KCNH8: variants seen among roughly 807,000 people sequenced by gnomAD.
KCNH8 encodes voltage-gated delayed rectifier potassium channel KCNH8.
Under a neutral mutation model 103.6 loss-of-function variants are expected in KCNH8, and 70 were observed. The observed-to-expected ratio is 0.68, with a 90% CI of 0.56 to 0.82. The LOEUF is 0.82. Among genes scored for constraint, KCNH8 ranks in the 40% least tolerant of loss-of-function variants. KCNH8 has a pLI of 0.00. For synonymous variants in KCNH8, 498 were observed against 489.4 expected (o/e 1.02, Z -0.23); for missense variants, 1,217 against 1,329.9 (o/e 0.92, Z 1.32).
intron 10 of KCNH8, among the ~76,000 whole-genome samples, chr3:19,451,849 T>C (rs1281712211): frequency 6.6e-6 from 1 of 152,156 alleles, no homozygotes; most frequent in Non-Finnish European, 1.5e-5. Context: ...AAGGTGACTA[T>C]GTTTCAAGAA....
At chr3:19,223,720 T>G (rs141630797) in intron 1 of KCNH8, among the ~76,000 whole-genome samples, 2 of 152,292 alleles carry the variant, frequency 1.3e-5, no homozygotes, top group Admixed American at 1.3e-4. Context: ...TATTCTTATT[T>G]TACCATTTGA....
intron 11 of KCNH8, among the ~76,000 whole-genome samples, chr3:19,503,492 A>T (rs780712625): frequency 6.6e-6 from 1 of 152,204 alleles, no homozygotes; most frequent in Non-Finnish European, 1.5e-5. Context: ...TGTTTATTGC[A>T]GCATTATCCA....
At chr3:19,177,438 A>T (rs537674444) in intron 1 of KCNH8, among the ~76,000 whole-genome samples, 5 of 152,172 alleles carry the variant, frequency 3.3e-5, no homozygotes, top group African/African-American at 1.2e-4. Flanking sequence ...TACAATAGGA[A>T]TTATTTTCTA....
chr3:19,198,131 G>A (rs1245842511), intron 1 of KCNH8, among the ~76,000 whole-genome samples: 1 of 152,004 alleles, frequency 6.6e-6, no homozygotes, highest in African/African-American at 2.4e-5. Context: ...CTGACATAGA[G>A]ATAAAACCTA....
In KCNH8 at chr3:19,489,073, A is replaced by G. The variant is rs2068267797; in HGVS notation, c.2041-21290A>G. ...GTAATATTGCTGTTCTCTCAGGGGC[A>G]TTTGGATTCCAGTCTTAGGCCGTAA... On this transcript the variant is annotated intron_variant, in intron 11 of 15. Transcript: ENST00000328405. Among the ~76,000 whole-genome samples the G allele has an allele frequency of 2.0e-5, 3 of 152,072 alleles. No homozygotes were observed. The South Asian group carries it at 6.2e-4, about 31-fold the overall frequency.
At chr3:19,246,805 G>T (rs1215151946) in intron 1 of KCNH8, among the ~76,000 whole-genome samples, 1 of 152,066 alleles carries the variant, frequency 6.6e-6, no homozygotes, top group Non-Finnish European at 1.5e-5. Flanking sequence ...GTTTCACTGG[G>T]TCTGGAGTGA....
At chr3:19,283,290 G>A (rs1219684764) in intron 3 of KCNH8, among the ~76,000 whole-genome samples, 3 of 152,012 alleles carry the variant, frequency 2.0e-5, no homozygotes, top group Admixed American at 2.0e-4. Context: ...TTAAAATGGT[G>A]TTAACATTTG....
intron 3 of KCNH8, among the ~76,000 whole-genome samples, chr3:19,332,675 C>G (rs2065527670): frequency 6.6e-6 from 1 of 151,864 alleles, no homozygotes. Context: ...CCCTCTGTCC[C>G]CTAGGCTGAG....
At chr3:19,244,420 T>G (rs2064178990) in intron 1 of KCNH8, among the ~76,000 whole-genome samples, 1 of 152,168 alleles carries the variant, frequency 6.6e-6, no homozygotes, top group African/African-American at 2.4e-5. Flanking sequence ...GCACGTGTTT[T>G]TGTTTTTGTT....
At chr3:19,186,366 C>G (rs1259052844) in intron 1 of KCNH8, among the ~76,000 whole-genome samples, 1 of 151,754 alleles carries the variant, frequency 6.6e-6, no homozygotes, top group Non-Finnish European at 1.5e-5. Flanking sequence ...CTTGCACATG[C>G]CTTTTGTTTC....
At chr3:19,516,926 T>C (rs1380804117) in intron 14 of KCNH8, among the ~76,000 whole-genome samples, 3 of 152,052 alleles carry the variant, frequency 2.0e-5, no homozygotes, top group African/African-American at 7.2e-5. Context: ...AATGGCTTTC[T>C]ATTGCCCTTA....
chr3:19,472,519 C>T (rs1044718788), intron 11 of KCNH8, among the ~76,000 whole-genome samples: 1 of 152,104 alleles, frequency 6.6e-6, no homozygotes, highest in Non-Finnish European at 1.5e-5. Flanking sequence ...TTTTTACCTG[C>T]TGCCATCCAT....
At chr3:19,204,165 G>T (rs757699718) in intron 1 of KCNH8, among the ~76,000 whole-genome samples, 8 of 151,944 alleles carry the variant, frequency 5.3e-5, no homozygotes, top group Non-Finnish European at 1.0e-4. Flanking sequence ...GCTCATAATG[G>T]CTAGGACCAG....
intron 11 of KCNH8, among the ~76,000 whole-genome samples, chr3:19,499,101 T>C (rs1575144528): frequency 6.6e-6 from 1 of 152,040 alleles, no homozygotes. Context: ...TTAAAGGAGC[T>C]GATGGAGCTG....
chr3:19,411,317 C>T lies in KCNH8; in HGVS notation c.1177+16006C>T, dbSNP rs369201296. On this transcript the variant is annotated intron_variant, in intron 7 of 15. Transcript: ENST00000328405. ...AAAGATTTTGATAAAGTCAAACATC[C>T]TTTTGTTACAAAAACTCTGAAGAAA... 1.2e-3 allele frequency among the ~76,000 whole-genome samples: 175 copies of T among 152,100 alleles called. 3 individuals carry two copies. In the South Asian group the frequency reaches 0.032, roughly 28 times the overall value.
chr3:19,387,206 T>A (rs1267708523), intron 5 of KCNH8, among the ~76,000 whole-genome samples: 1 of 152,132 alleles, frequency 6.6e-6, no homozygotes, highest in Non-Finnish European at 1.5e-5. Flanking sequence ...AATTTAATAT[T>A]ATTTTACCTG....
rs773828081 is a variant in KCNH8, at chr3:19,153,635, C to CTT, written c.76+4856_76+4857dup. On this transcript the variant is annotated intron_variant, in intron 1 of 15. Coordinates refer to ENST00000328405, the MANE Select transcript of KCNH8 (RefSeq NM_144633.3). ...TTTTCTTTTCTTTTCTTTCTTTTTT[C>CTT]TTTTTTTTTTTTTTTTTAGACGAGT... Among the ~76,000 whole-genome samples the CTT allele has an allele frequency of 1.2e-3, 153 of 128,884 alleles. No individual in the cohort carries two copies. In the South Asian group the frequency reaches 0.013, roughly 11 times the overall value. 84.6% of individuals were successfully genotyped at this position (128,884 alleles called of 152,430 possible). A position where few individuals can be genotyped will look rare whatever the true frequency, so the allele number is the denominator to read the frequency against.
intron 5 of KCNH8, among the ~76,000 whole-genome samples, chr3:19,369,956 A>C (rs1045802786): frequency 2.0e-5 from 3 of 152,014 alleles, no homozygotes; most frequent in African/African-American, 7.2e-5. Context: ...TTACTATGCT[A>C]TAAATAGGTT....
At chr3:19,525,977 AT>A (rs1225796135) in intron 15 of KCNH8, among the ~76,000 whole-genome samples, 2 of 152,014 alleles carry the variant, frequency 1.3e-5, no homozygotes, top group African/African-American at 4.8e-5. Context: ...CAAGAATGAA[AT>A]TATGCCAATC....
Sources: allele counts gnomAD v4.1 joint callset (sites outside exome capture counted in the v4.1 genomes callset), GRCh38; gene constraint gnomAD v4.1.1; transcripts MANE v1.5; gene names NCBI Gene and HGNC (gene_info 2026-07-23, HGNC 2026-07-21).